The following NBPF10 variants were observed in gnomAD, a reference collection of about 807,000 sequenced individuals.
NBPF10 encodes NBPF member 10.
NBPF10 carries 63 observed loss-of-function variants against 77.9 expected under a neutral mutation model. The observed-to-expected ratio is 0.81, with a 90% CI of 0.66 to 1.00. The LOEUF (loss-of-function observed/expected upper bound fraction) is 1.00, where lower values mean the gene tolerates loss of function less well. Among genes scored for constraint, NBPF10 ranks in the 50% least tolerant of loss-of-function variants. The pLI is 0.00. For missense variants in NBPF10, 522 were observed against 679.8 expected, an observed-to-expected ratio of 0.77 and a Z score of 2.58; for synonymous variants, 146 against 264.5, an observed-to-expected ratio of 0.55 and a Z score of 4.35.
chr1:146,073,883 C>A (rs1571120965), intron 80 of NBPF10, among the ~76,000 whole-genome samples: 1 of 75,132 alleles, frequency 1.3e-5, no homozygotes, highest in African/African-American at 3.5e-5. Flanking sequence ...CACTATTCAG[C>A]CCTGTCTCAT....
At position 146,067,279 on chromosome 1, in the gene NBPF10, T is replaced by C. The variant is rs587646237; in HGVS notation, c.11045A>G (p.Lys3682Arg). The change falls in exon 89 of 90, where the codon AAG (lysine) becomes AGG (arginine). Residue 3682 changes from lysine to arginine, a missense_variant. Around this residue, in one of 9 missense-constraint regions of NBPF10, gnomAD observed 183 missense variants for 96.6 expected, o/e 1.89. Transcript: ENST00000583866. Reference sequence around the variant, plus strand: ...CCTTCTTTTTTTCCCCTTCCCCTTCTTTTCAATTTCTGCAATAAATTCAGA... The same window carrying C: ...CCTTCTTTTTTTCCCCTTCCCCTTCCTTTCAATTTCTGCAATAAATTCAGA... 278 of 554,316 alleles carry C rather than the reference T, an allele frequency of 5.0e-4. 4 individuals carry two copies. Among genetic ancestry groups the C allele is most frequent in the Middle Eastern group, 1.3e-3 (3 of 2,228 alleles). The allele number at this position is 554,316 out of a possible 1,614,324, so 34.3% of individuals were successfully genotyped here. A position where few individuals can be genotyped will look rare whatever the true frequency, so the allele number is the denominator to read the frequency against.
chr1:146,140,314 T>C (rs1444831013), intron 4 of NBPF10, among the ~76,000 whole-genome samples, 170 bp downstream of exon 4: 3 of 126,908 alleles, frequency 2.4e-5, no homozygotes, highest in South Asian at 2.9e-4. Flanking sequence ...TTGGCACACA[T>C]AGAGAAACAC....
At chr1:146,109,343 C>CAG (rs1467781000) in intron 35 of NBPF10, among the ~76,000 whole-genome samples, 44 of 91,670 alleles carry the variant, frequency 4.8e-4, no homozygotes, top group African/African-American at 1.2e-3. Context: ...CACACACACA[C>CAG]ACAGAGAGAG....
exon 90 of NBPF10, chr1:146,066,122 C>T: frequency 1.1e-6 from 1 of 870,518 alleles, no homozygotes; most frequent in Non-Finnish European, 1.8e-6. Flanking sequence ...GTGAACGTGT[C>T]ACACCTAACG....
rs587769811 is a variant in NBPF10 at position 146,142,250 on chromosome 1, G to C, written c.278+400C>G. On this transcript the variant is annotated intron_variant, in intron 2 of 89. Transcript: ENST00000583866. The stretch of plus-strand genomic sequence containing the variant: ...AAGATGAAAGAAGAAAAGAAGGACA[G>C]GGTCGAGGAGGCAACATTGATTGAG... 3.7e-4 allele frequency among the ~76,000 whole-genome samples: 42 copies of C among 112,546 alleles called. 4 individuals are homozygous for C. Among genetic ancestry groups the C allele is most frequent in the African/African-American group, 1.1e-3 (37 of 33,388 alleles). 73.8% of individuals were successfully genotyped at this position (112,546 alleles called of 152,430 possible).
intron 1 of NBPF10, among the ~76,000 whole-genome samples, 154 bp from the exon 2 acceptor site, chr1:146,142,906 CCTGA>C (rs1361653283): frequency 1.8e-5 from 2 of 110,508 alleles, no homozygotes; most frequent in Non-Finnish European, 4.3e-5. Context: ...TCTTCAGTCT[CCTGA>C]CTTTCTGGCA....
rs1331788003 is a variant in NBPF10, at chr1:146,129,895, G to A, written c.1638-1613C>T. Reference sequence around the variant, plus strand: ...TTCCTTTATTATTTTTTGTGTGTATGTATATATATATATATATTTTTTAAT... The same window carrying A: ...TTCCTTTATTATTTTTTGTGTGTATATATATATATATATATATTTTTTAAT... On this transcript the variant is annotated intron_variant, in intron 11 of 89. Coordinates refer to ENST00000583866, the Ensembl canonical transcript of NBPF10. Among the ~76,000 whole-genome samples the A allele has an allele frequency of 5.2e-3, 470 of 89,944 alleles. 28 individuals are homozygous for A. Among genetic ancestry groups the A allele is most frequent in the Admixed American group, 7.4e-3 (64 of 8,670 alleles). 59.0% of individuals were successfully genotyped at this position (89,944 alleles called of 152,430 possible).
At chr1:146,139,406 G>A (rs1660065678) in intron 5 of NBPF10, among the ~76,000 whole-genome samples, 1 of 151,674 alleles carries the variant, frequency 6.6e-6, no homozygotes, top group Non-Finnish European at 1.5e-5. Flanking sequence ...ACTGCGCCCA[G>A]CCGAGACTTA....
chr1:146,125,792 T>G (rs1658532476), intron 14 of NBPF10, among the ~76,000 whole-genome samples: 1 of 147,020 alleles, frequency 6.8e-6, no homozygotes, highest in Non-Finnish European at 1.5e-5. Context: ...ATTTTTCCAA[T>G]CGATTTAAAG....
At chr1:146,126,529 G>C in intron 13 of NBPF10, 121 bp from the exon 14 acceptor site, 1 of 713,298 alleles carries the variant, frequency 1.4e-6, no homozygotes, top group Non-Finnish European at 2.6e-6. Context: ...ATCCATTAAT[G>C]AGGTAACAAA....
At chr1:146,066,446 T>G (rs782072902) in exon 90 of NBPF10, 1 of 804,800 alleles carries the variant, frequency 1.2e-6, no homozygotes, top group Non-Finnish European at 1.8e-6. Flanking sequence ...AACACACTTC[T>G]GTAGTGCTGG....
intron 7 of NBPF10, among the ~76,000 whole-genome samples, chr1:146,136,141 G>GA (rs1409267139): frequency 6.6e-6 from 1 of 151,240 alleles, no homozygotes; most frequent in Non-Finnish European, 1.5e-5. Flanking sequence ...TTACTTGTTT[G>GA]AAAAAGAGAA....
intron 1 of NBPF10, among the ~76,000 whole-genome samples, chr1:146,143,964 A>G (rs1553798504): frequency 2.0e-5 from 3 of 151,324 alleles, no homozygotes; most frequent in African/African-American, 4.9e-5. Context: ...TGCCCAGGCT[A>G]GTCTCAAACT....
chr1:146,130,938 G>A (rs1305656394), intron 11 of NBPF10, among the ~76,000 whole-genome samples: 4 of 33,312 alleles, frequency 1.2e-4, no homozygotes, highest in African/African-American at 2.8e-4. Flanking sequence ...TGGATAAAGA[G>A]TCAAGACCCA....
At chr1:146,066,284 C>G in exon 90 of NBPF10, 4 of 576,852 alleles carry the variant, frequency 6.9e-6, no homozygotes, top group African/African-American at 4.2e-5. Flanking sequence ...GTCCTGCCTG[C>G]AGGAATGACA....
chr1:146,129,969 T>C lies in NBPF10; in HGVS notation c.1638-1687A>G, dbSNP rs1234879354. Among the ~76,000 whole-genome samples the C allele has an allele frequency of 3.7e-3, 339 of 90,474 alleles. 2 individuals carry two copies. Among genetic ancestry groups the C allele is most frequent in the African/African-American group, 0.013 (260 of 19,870 alleles). 59.4% of individuals were successfully genotyped at this position (90,474 alleles called of 152,430 possible). ...GCACAACGTGCAGGTTAGTTACATA[T>C]GTATACATGTCCACATTGGTGTGCT... On this transcript the variant is annotated intron_variant, in intron 11 of 89. Coordinates refer to ENST00000583866, the Ensembl canonical transcript of NBPF10.
rs1276481839 is a variant in NBPF10 at position 146,141,866 on chromosome 1, A to T, written c.279-48T>A. On this transcript the variant is annotated intron_variant, in intron 2 of 89. Transcript: ENST00000583866. ...ATTTAAGAGTAGAAAGGGTTGAGTG[A>T]TCCGTTCAAATATTGCAACAGAGAC... The T allele has an allele frequency of 1.4e-5, 16 of 1,156,024 alleles. 4 individuals are homozygous for T. Among genetic ancestry groups the T allele is most frequent in the Non-Finnish European group, 1.9e-5 (15 of 785,378 alleles). The allele number at this position is 1,156,024 out of a possible 1,614,324, so 71.6% of individuals were successfully genotyped here.
intron 19 of NBPF10, among the ~76,000 whole-genome samples, 156 bp from the exon 20 acceptor site, chr1:146,121,826 A>C (rs1257839521): frequency 4.3e-4 from 64 of 148,718 alleles, no homozygotes; most frequent in African/African-American, 1.6e-3. Flanking sequence ...TTGGGATAGA[A>C]CAGGGCCAGG....
chr1:146,119,763 G>C (rs1251279568), intron 22 of NBPF10, among the ~76,000 whole-genome samples, 193 bp downstream of exon 22: 357 of 17,526 alleles, frequency 0.02, 156 homozygotes, highest in Middle Eastern at 0.042. Context: ...TAGGAATAGA[G>C]CCTTGCTCAC....
Sources: allele counts gnomAD v4.1 joint callset (sites outside exome capture counted in the v4.1 genomes callset), GRCh38; gene constraint gnomAD v4.1.1; regional missense constraint gnomAD v4.1.1; transcripts MANE v1.5; gene names NCBI Gene and HGNC (gene_info 2026-07-23, HGNC 2026-07-21).